The following HEATR5B variants were observed in gnomAD, a reference collection of about 807,000 sequenced individuals.
HEATR5B encodes HEAT repeat-containing protein 5B.
Under a neutral mutation model 224.1 loss-of-function variants are expected in HEATR5B, and 156 were observed. The observed-to-expected ratio is 0.70, with a 90% CI of 0.61 to 0.80. The LOEUF is 0.80. Among genes scored for constraint, HEATR5B ranks in the 30% least tolerant of loss-of-function variants. The pLI, the probability that HEATR5B is intolerant of heterozygous loss-of-function variation, is 0.00. For missense variants in HEATR5B, 2,323 were observed against 2,535.5 expected, an observed-to-expected ratio of 0.92 and a Z score of 1.80; for synonymous variants, 1,027 against 893.0, an observed-to-expected ratio of 1.15 and a Z score of -2.68.
chr2:37,041,079 A>AT, intron 19 of HEATR5B, 54 bp downstream of exon 19: 1 of 1,469,942 alleles, frequency 6.8e-7, no homozygotes, highest in South Asian at 1.2e-5. Context: ...AGAGCAAATA[A>AT]TTTTCCAAAA....
At chr2:37,004,393 A>G (rs535524425) in intron 30 of HEATR5B, among the ~76,000 whole-genome samples, 1 of 149,648 alleles carries the variant, frequency 6.7e-6, no homozygotes, top group South Asian at 2.2e-4. Context: ...TAGTTAGGCT[A>G]CTCTTGTCAG....
intron 19 of HEATR5B, among the ~76,000 whole-genome samples, chr2:37,040,839 T>G (rs1050658890): frequency 3.3e-5 from 5 of 151,364 alleles, no homozygotes; most frequent in African/African-American, 1.2e-4. Flanking sequence ...AAAAAAAACT[T>G]GATCAAGCTA....
rs763588091 is a variant in HEATR5B, at chr2:37,007,146, G to A, written c.4681C>T (p.Arg1561Cys). 6.2e-6 allele frequency: 10 copies of A among 1,613,934 alleles called. No individual in the cohort carries two copies. Among genetic ancestry groups the A allele is most frequent in the Admixed American group, 5.0e-5 (3 of 59,992 alleles). ...TGGTTTAAATTGACAGATGTAGAAC[G>A]TTTTTGTAAACCAGATATTGCTGCT... Reference protein sequence around the residue: ...EAAAISGLQKRSTSVNLNQAS... With the variant: ...EAAAISGLQKCSTSVNLNQAS... Residue 1561 changes from arginine (R) to cysteine (C), a missense_variant, in exon 29 of 36, where the codon CGT becomes TGT. Arg to Cys is a radical substitution (Grantham distance 180). This residue lies in a region of HEATR5B where 844 missense variants were observed against 812.9 expected (regional missense o/e 1.04). Transcript: ENST00000233099.
chr2:37,032,675 G>A lies in HEATR5B; in HGVS notation c.3315C>T (p.Ala1105=). Residue 1105 remains alanine, a synonymous_variant, in exon 22 of 36, where the codon GCC becomes GCT. Transcript: ENST00000233099. ...CCCCTGTATTTTTTGCCAGGCTCATGGCATATTCACATACTTCCGCTGCTT... is the reference window on the plus strand; with the variant it reads ...CCCCTGTATTTTTTGCCAGGCTCATAGCATATTCACATACTTCCGCTGCTT... ...QREAAEVCEY[A]MSLAKNTGDK... The A allele has an allele frequency of 3.7e-6, 6 of 1,613,956 alleles. No individual in the cohort carries two copies. The highest frequency in any genetic ancestry group is 5.1e-6 in the Non-Finnish European group (6 of 1,179,956).
intron 2 of HEATR5B, among the ~76,000 whole-genome samples, chr2:37,080,719 T>C (rs182289733): frequency 3.2e-4 from 49 of 151,850 alleles, no homozygotes; most frequent in African/African-American, 1.2e-3. Context: ...CATTATTTTA[T>C]AGATGATAGT....
chr2:37,077,310 C>CTTT (rs1226282745), intron 3 of HEATR5B, among the ~76,000 whole-genome samples: 2 of 145,498 alleles, frequency 1.4e-5, no homozygotes, highest in African/African-American at 5.0e-5. Flanking sequence ...CCAAGCTTTT[C>CTTT]TTTTTTTTTT....
chr2:37,030,593 G>C (rs1197525135), intron 22 of HEATR5B, among the ~76,000 whole-genome samples: 2 of 152,134 alleles, frequency 1.3e-5, no homozygotes, highest in African/African-American at 4.8e-5. Context: ...CAGAAAATGT[G>C]CATGACTCTA....
intron 32 of HEATR5B, among the ~76,000 whole-genome samples, chr2:37,001,669 C>CT (rs1373239504): frequency 2.0e-5 from 3 of 150,248 alleles, no homozygotes; most frequent in Non-Finnish European, 4.4e-5. Context: ...TTTTCTTTTT[C>CT]TTTCTTTTTT....
rs989742635 is a variant in HEATR5B at position 37,038,400 on chromosome 2, A to G, written c.3047-376T>C. On this transcript the variant is annotated intron_variant, in intron 20 of 35. Transcript: ENST00000233099. ...AATGATCCACCCGCCGTGGCCTCCC[A>G]AAGTGCTGGGATTACAGGCATGAGC... Among the ~76,000 whole-genome samples, 148 of 152,310 alleles carry G rather than the reference A, an allele frequency of 9.7e-4. 2 individuals are homozygous for G. Among genetic ancestry groups the G allele is most frequent in the Non-Finnish European group, 6.5e-4 (44 of 68,028 alleles).
chr2:37,063,799 T>C (rs980904062), intron 10 of HEATR5B, among the ~76,000 whole-genome samples: 1 of 152,162 alleles, frequency 6.6e-6, no homozygotes, highest in Non-Finnish European at 1.5e-5. Context: ...AAAAAAAAGC[T>C]ACTCATATTT....
At chr2:37,047,526 T>G (rs1670280994) in intron 18 of HEATR5B, among the ~76,000 whole-genome samples, 1 of 152,202 alleles carries the variant, frequency 6.6e-6, no homozygotes, top group South Asian at 2.1e-4. Context: ...AATATACATT[T>G]CTCAGAGGTC....
Position 37,083,435 on chromosome 2 carries a change from A to C in HEATR5B, c.-21T>G, listed in dbSNP as rs750734052. The C allele has an allele frequency of 6.2e-7, 1 of 1,601,964 alleles. No homozygotes were observed. Among genetic ancestry groups the C allele is most frequent in the Non-Finnish European group, 8.5e-7 (1 of 1,171,520 alleles). Reference sequence around the variant, plus strand: ...TCCATTACGGAAGTTTGAAATTCACACCTTAAATTTAACAGAGTAAAAAAT... The same window carrying C: ...TCCATTACGGAAGTTTGAAATTCACCCCTTAAATTTAACAGAGTAAAAAAT... On this transcript the variant is annotated splice_region_variant and 5_prime_UTR_variant, in exon 2 of 36. Transcript: ENST00000233099.
chr2:37,064,914 G>C lies in HEATR5B; in HGVS notation c.1410C>G (p.Arg470=), dbSNP rs775427990. The C allele has an allele frequency of 3.1e-6, 5 of 1,614,140 alleles. No homozygotes were observed. In the South Asian group the frequency reaches 5.5e-5, roughly 18 times the overall value. ...AARLAAAWCL[R]CVAVALPFQL... is the part of the protein sequence containing the mutation. ...GGAAAGGTAATGCCACAGCCACACA[G>C]CGCAAACACCATGCAGCAGCAAGTC... Residue 470 remains arginine, a synonymous_variant, in exon 10 of 36, where the codon CGC becomes CGG. Coordinates refer to ENST00000233099, the MANE Select transcript of HEATR5B (RefSeq NM_019024.3).
At chr2:37,003,254 C>T (rs530177464) in intron 31 of HEATR5B, among the ~76,000 whole-genome samples, 8 of 121,578 alleles carry the variant, frequency 6.6e-5, no homozygotes, top group Admixed American at 2.5e-4. Flanking sequence ...AAGACTGTCC[C>T]GCCCGCAAAA....
At position 37,005,673 on chromosome 2, in the gene HEATR5B, G is replaced by T; in HGVS notation, c.4864C>A (p.Leu1622Ile). Reference protein sequence around the residue: ...TACLQALHTLLDSPYARVHIA... With the variant: ...TACLQALHTLIDSPYARVHIA... ...TGGACTCGAGCATAAGGGGAGTCTA[G>T]CAAGGTATGTAAGGCCTGCAGGCAT... is the stretch of plus-strand genomic sequence containing the variant. The change falls in exon 30 of 36, where the codon CTA becomes ATA. Residue 1622 changes from leucine to isoleucine, a missense_variant. Coordinates refer to ENST00000233099, the MANE Select transcript of HEATR5B (RefSeq NM_019024.3). 1 of 1,613,412 alleles carries T rather than the reference G, an allele frequency of 6.2e-7. No homozygotes were observed. Among genetic ancestry groups the T allele is most frequent in the South Asian group, 1.1e-5 (1 of 91,062 alleles).
At chr2:37,040,048 A>G (rs1669777838) in intron 20 of HEATR5B, among the ~76,000 whole-genome samples, 1 of 152,220 alleles carries the variant, frequency 6.6e-6, no homozygotes, top group African/African-American at 2.4e-5. Flanking sequence ...AAGGAACTCT[A>G]TTATTAACTT....
chr2:37,043,882 C>A (rs1211216698), intron 18 of HEATR5B, among the ~76,000 whole-genome samples: 2 of 152,156 alleles, frequency 1.3e-5, no homozygotes, highest in Admixed American at 1.3e-4. Context: ...CTAGTTGCCA[C>A]ACTCCAGAAG....
rs547473280 is a variant in HEATR5B, at chr2:36,994,888, T to C, written c.5546-4089A>G. Reference sequence around the variant, plus strand: ...GCCTCAGCCTCCTGAGTAGCTGGGATTACAGGTGCCTGCCACCACGCCTGG... The same window carrying C: ...GCCTCAGCCTCCTGAGTAGCTGGGACTACAGGTGCCTGCCACCACGCCTGG... On this transcript the variant is annotated intron_variant, in intron 33 of 35. Transcript: ENST00000233099. Among the ~76,000 whole-genome samples, 31 of 151,656 alleles carry C rather than the reference T, an allele frequency of 2.0e-4. No homozygotes were observed. In the South Asian group the frequency reaches 6.5e-3, roughly 32 times the overall value.
intron 20 of HEATR5B, 40 bp downstream of exon 20, chr2:37,040,289 T>C (rs752494444): frequency 6.8e-7 from 1 of 1,473,396 alleles, no homozygotes; most frequent in African/African-American, 1.4e-5. Flanking sequence ...AAGATACTGA[T>C]TATCTAACTA....
Sources: allele counts gnomAD v4.1 joint callset (sites outside exome capture counted in the v4.1 genomes callset), GRCh38; gene constraint gnomAD v4.1.1; regional missense constraint gnomAD v4.1.1; transcripts MANE v1.5; gene names NCBI Gene and HGNC (gene_info 2026-07-23, HGNC 2026-07-21).